Variants in NRP1 observed in about 807,000 individuals in gnomAD.
NRP1 encodes the protein neuropilin 1, also known as neuropilin-1.
Under a neutral mutation model 106.7 loss-of-function variants are expected in NRP1, and 35 were observed. That is an observed-to-expected ratio of 0.33 (90% CI 0.25 to 0.43). NRP1 has a LOEUF of 0.43. Among genes scored for constraint, NRP1 ranks in the 20% least tolerant of loss-of-function variants. The pLI is 1.00. For missense variants in NRP1, 1,024 were observed against 1,170.4 expected, an observed-to-expected ratio of 0.87 and a Z score of 1.83; for synonymous variants, 437 against 417.9, an observed-to-expected ratio of 1.05 and a Z score of -0.56.
chr10:33,233,442 G>A (rs976747972), intron 6 of NRP1, among the ~76,000 whole-genome samples: 1 of 152,218 alleles, frequency 6.6e-6, no homozygotes, highest in African/African-American at 2.4e-5. Context: ...TGAGGACAAA[G>A]CAGCATGTGT....
rs143000279 is a variant in NRP1 at position 33,323,200 on chromosome 10, C to A, written c.248+7508G>T. ...CTGGGCAACATAGTGAGAAGCCCCC[C>A]CATCCTTCTGTGTTTTAAATAAATA... On this transcript the variant is annotated intron_variant, in intron 2 of 16. Coordinates refer to ENST00000374867, the MANE Select transcript of NRP1 (RefSeq NM_003873.7). 2.0e-5 allele frequency among the ~76,000 whole-genome samples: 3 copies of A among 151,732 alleles called. No homozygotes were observed. The East Asian group carries it at 5.9e-4, about 30-fold the overall frequency.
intron 2 of NRP1, among the ~76,000 whole-genome samples, chr10:33,329,436 CA>C (rs1374668945): frequency 1.1e-4 from 17 of 152,190 alleles, no homozygotes; most frequent in Non-Finnish European, 2.4e-4. Flanking sequence ...ACCAACTCAA[CA>C]GGTTGTCGAG....
intron 6 of NRP1, among the ~76,000 whole-genome samples, chr10:33,233,058 G>A (rs1380127158): frequency 6.6e-6 from 1 of 152,074 alleles, no homozygotes; most frequent in East Asian, 1.9e-4. Flanking sequence ...TCTAACACTG[G>A]TGGTGGAAAG....
intron 8 of NRP1, among the ~76,000 whole-genome samples, chr10:33,218,390 G>A (rs1838955616): frequency 6.7e-6 from 1 of 149,972 alleles, no homozygotes. Context: ...CCAGGCTGGA[G>A]TGCAGTGGCC....
At chr10:33,209,927 G>A (rs1838164730) in intron 9 of NRP1, among the ~76,000 whole-genome samples, 1 of 152,222 alleles carries the variant, frequency 6.6e-6, no homozygotes, top group Admixed American at 6.5e-5. Flanking sequence ...CCGGCCCCAG[G>A]CCATGCCAGT....
intron 2 of NRP1, among the ~76,000 whole-genome samples, chr10:33,321,762 A>G (rs1038539460): frequency 4.6e-5 from 7 of 152,162 alleles, no homozygotes; most frequent in Admixed American, 4.6e-4. Context: ...GGCCTTTGCT[A>G]TCTTCGGCTA....
rs180982306 is a variant in NRP1 at position 33,215,768 on chromosome 10, A to G, written c.1283-2051T>C. 6.6e-5 allele frequency among the ~76,000 whole-genome samples: 10 copies of G among 152,340 alleles called. No individual in the cohort carries two copies. The East Asian group carries it at 1.7e-3, about 26-fold the overall frequency. Reference sequence around the variant, plus strand: ...TTTCCACATGAGTTCTATGGTCCAGATCATGTCGTTTCTTTACTCAGACAT... The same window carrying G: ...TTTCCACATGAGTTCTATGGTCCAGGTCATGTCGTTTCTTTACTCAGACAT... On this transcript the variant is annotated intron_variant, in intron 8 of 16. Transcript: ENST00000374867.
intron 6 of NRP1, among the ~76,000 whole-genome samples, chr10:33,242,744 T>A (rs1053036208): frequency 6.6e-6 from 1 of 152,302 alleles, no homozygotes; most frequent in African/African-American, 2.4e-5. Flanking sequence ...TGCCTTTGGG[T>A]CTACCTGGGT....
At chr10:33,314,938 C>G (rs192719577) in intron 2 of NRP1, among the ~76,000 whole-genome samples, 1 of 152,294 alleles carries the variant, frequency 6.6e-6, no homozygotes, top group Admixed American at 6.5e-5. Context: ...GGGTTGCCAG[C>G]TGGAACGGAA....
rs779848424 is a variant in NRP1 at position 33,263,676 on chromosome 10, G to T, written c.628C>A (p.Arg210=). 1.1e-5 allele frequency: 17 copies of T among 1,613,766 alleles called. No individual in the cohort carries two copies. The highest frequency in any genetic ancestry group is 4.4e-5 in the South Asian group (4 of 91,060). The part of the protein sequence containing the change: ...PPGGMFCRYD[R]LEIWDGFPDV... ...GGGAATCCATCCCAGATTTCTAGCCGGTCGTAGCGACAGAACATCCCCCCT... is the reference window on the plus strand; with the variant it reads ...GGGAATCCATCCCAGATTTCTAGCCTGTCGTAGCGACAGAACATCCCCCCT... The change falls in exon 4 of 17, where the codon CGG becomes AGG. Residue 210 remains arginine (R), a synonymous_variant. Transcript: ENST00000374867.
chr10:33,281,421 T>A (rs935324512), intron 2 of NRP1, among the ~76,000 whole-genome samples: 1 of 152,104 alleles, frequency 6.6e-6, no homozygotes, highest in Admixed American at 6.5e-5. Flanking sequence ...GTTGAGGCCA[T>A]AAGAAATGGA....
chr10:33,292,240 T>G (rs764745560), intron 2 of NRP1, among the ~76,000 whole-genome samples: 8 of 152,172 alleles, frequency 5.3e-5, no homozygotes, highest in Non-Finnish European at 1.0e-4. Flanking sequence ...CTTCTGACTC[T>G]CATCTTAAAC....
intron 2 of NRP1, among the ~76,000 whole-genome samples, chr10:33,285,139 C>A (rs1165658200): frequency 6.6e-6 from 1 of 152,200 alleles, no homozygotes; most frequent in Non-Finnish European, 1.5e-5. Context: ...AAGACTGTGC[C>A]TATACTTAGT....
Position 33,263,674 on chromosome 10 carries a change from C to T in NRP1, c.630G>A (p.Arg210=). The T allele has an allele frequency of 3.7e-6, 6 of 1,613,988 alleles. 1 individual carries two copies. In the South Asian group the frequency reaches 6.6e-5, roughly 18 times the overall value. ...CAGGGAATCCATCCCAGATTTCTAG[C>T]CGGTCGTAGCGACAGAACATCCCCC... The part of the protein sequence containing the change: ...PPGGMFCRYD[R]LEIWDGFPDV... Residue 210 remains arginine, a synonymous_variant, in exon 4 of 17, where the codon CGG becomes CGA. Coordinates refer to ENST00000374867, the MANE Select transcript of NRP1 (RefSeq NM_003873.7).
At chr10:33,314,460 TAGAC>T (rs995789519) in intron 2 of NRP1, among the ~76,000 whole-genome samples, 1 of 152,116 alleles carries the variant, frequency 6.6e-6, no homozygotes, top group African/African-American at 2.4e-5. Flanking sequence ...GTTTCTAAAA[TAGAC>T]AGATAACAGA....
chr10:33,289,644 T>C (rs955344324), intron 2 of NRP1, among the ~76,000 whole-genome samples: 5 of 152,206 alleles, frequency 3.3e-5, no homozygotes, highest in Non-Finnish European at 5.9e-5. Flanking sequence ...CAACTGACAT[T>C]AGCGTGTGTT....
At chr10:33,309,475 G>A (rs1846414111) in intron 2 of NRP1, among the ~76,000 whole-genome samples, 1 of 152,222 alleles carries the variant, frequency 6.6e-6, no homozygotes, top group Non-Finnish European at 1.5e-5. Flanking sequence ...CTGAATGTCT[G>A]TGTTAGGATG....
chr10:33,213,558 A>T lies in NRP1; in HGVS notation c.1442T>A (p.Ile481Asn). The T allele has an allele frequency of 6.2e-7, 1 of 1,613,980 alleles. No homozygotes were observed. ...CAGGTCTATTTGGAGCCACTCATTG[A>T]TGTAGGAATGAGGTGCGGGTGGAAG... ...WALPPAPHSYINEWLQIDLGE... is the reference protein window; with the variant it reads ...WALPPAPHSYNNEWLQIDLGE... The change falls in exon 9 of 17, where the codon ATC (isoleucine) becomes AAC (asparagine). Residue 481 changes from isoleucine (I) to asparagine (N), a missense_variant. Transcript: ENST00000374867.
intron 2 of NRP1, among the ~76,000 whole-genome samples, chr10:33,314,677 G>A (rs1564481464): frequency 1.3e-5 from 2 of 152,102 alleles, no homozygotes; most frequent in Non-Finnish European, 2.9e-5. Context: ...TGGTATGGAG[G>A]GAGAGGGGAG....
Sources: allele counts gnomAD v4.1 joint callset (sites outside exome capture counted in the v4.1 genomes callset), GRCh38; gene constraint gnomAD v4.1.1; transcripts MANE v1.5; gene names NCBI Gene and HGNC (gene_info 2026-07-23, HGNC 2026-07-21).